Variants in PDE3B observed in about 807,000 individuals in gnomAD.
PDE3B encodes the protein phosphodiesterase 3B, also known as cGMP-inhibited 3',5'-cyclic phosphodiesterase 3B.
PDE3B carries 66 observed loss-of-function variants against 116.8 expected under a neutral mutation model. The observed-to-expected ratio is 0.56, with a 90% CI of 0.46 to 0.69. PDE3B has a LOEUF of 0.69. Ranked by LOEUF, PDE3B falls within the 30% of genes least tolerant of loss-of-function variation. The probability of loss-of-function intolerance (pLI) is 0.00; values close to 1 mark genes in which losing one functional copy is unlikely to be tolerated. For missense variants in PDE3B, 1,384 were observed against 1,368.1 expected, an observed-to-expected ratio of 1.01 and a Z score of -0.18; for synonymous variants, 595 against 533.6, an observed-to-expected ratio of 1.12 and a Z score of -1.59.
intron 1 of PDE3B, among the ~76,000 whole-genome samples, chr11:14,706,765 G>A (rs1019162195): frequency 2.0e-5 from 3 of 151,946 alleles, no homozygotes; most frequent in African/African-American, 7.2e-5. Flanking sequence ...CATTTAGATA[G>A]GAGCATTGTT....
chr11:14,731,086 T>C (rs1002629770), intron 1 of PDE3B, among the ~76,000 whole-genome samples: 13 of 152,250 alleles, frequency 8.5e-5, no homozygotes, highest in Middle Eastern at 3.4e-3. Context: ...AGATGTCTAA[T>C]TTTTTAACTT....
intron 1 of PDE3B, among the ~76,000 whole-genome samples, chr11:14,705,686 T>A (rs1855510568): frequency 6.6e-6 from 1 of 151,874 alleles, no homozygotes; most frequent in South Asian, 2.1e-4. Context: ...GACAATCTCA[T>A]GAGCTTTTTT....
At chr11:14,738,904 A>G (rs1027170009) in intron 1 of PDE3B, among the ~76,000 whole-genome samples, 5 of 152,148 alleles carry the variant, frequency 3.3e-5, no homozygotes, top group Non-Finnish European at 7.4e-5. Context: ...CAAAGACCAG[A>G]TGGTTGCAGA....
At chr11:14,853,973 C>G (rs912919551) in intron 12 of PDE3B, among the ~76,000 whole-genome samples, 1 of 152,176 alleles carries the variant, frequency 6.6e-6, no homozygotes, top group South Asian at 2.1e-4. Context: ...GATGACTAAA[C>G]ACATGAATCT....
At chr11:14,722,072 C>T (rs953418951) in intron 1 of PDE3B, among the ~76,000 whole-genome samples, 1 of 150,948 alleles carries the variant, frequency 6.6e-6, no homozygotes, top group African/African-American at 2.4e-5. Flanking sequence ...AAAAACAAAA[C>T]ACCGCATGTT....
intron 12 of PDE3B, among the ~76,000 whole-genome samples, chr11:14,850,056 T>C (rs1267482177): frequency 6.6e-6 from 1 of 152,072 alleles, no homozygotes; most frequent in Non-Finnish European, 1.5e-5. Flanking sequence ...TATTGCGGCA[T>C]TATTCACAAT....
chr11:14,716,000 C>T (rs1230746575), intron 1 of PDE3B, among the ~76,000 whole-genome samples: 1 of 152,208 alleles, frequency 6.6e-6, no homozygotes, highest in East Asian at 1.9e-4. Flanking sequence ...GCATTTCCAT[C>T]TGAGGTACCG....
chr11:14,669,465 C>T (rs543056391), intron 1 of PDE3B, among the ~76,000 whole-genome samples: 1 of 152,196 alleles, frequency 6.6e-6, no homozygotes, highest in East Asian at 1.9e-4. Context: ...CGTAACACTA[C>T]CTTTTTTTAA....
At chr11:14,795,616 G>A (rs1411167488) in intron 4 of PDE3B, among the ~76,000 whole-genome samples, 2 of 152,176 alleles carry the variant, frequency 1.3e-5, no homozygotes, top group African/African-American at 4.8e-5. Flanking sequence ...CTGGATCAAG[G>A]TAGAAGACAG....
intron 11 of PDE3B, among the ~76,000 whole-genome samples, chr11:14,838,879 A>G (rs535911696): frequency 3.4e-4 from 52 of 152,316 alleles, no homozygotes; most frequent in African/African-American, 1.2e-3. Flanking sequence ...TGTCTAAAGT[A>G]TAGGCATCAG....
chr11:14,687,042 A>C (rs913963678), intron 1 of PDE3B, among the ~76,000 whole-genome samples: 1 of 152,180 alleles, frequency 6.6e-6, no homozygotes, highest in Non-Finnish European at 1.5e-5. Context: ...TTTTATAGTA[A>C]AAATGCAGGT....
intron 1 of PDE3B, chr11:14,673,834 G>A: frequency 9.1e-7 from 1 of 1,098,716 alleles, no homozygotes. Flanking sequence ...TCGGCATACT[G>A]TGGTCTCTCA....
chr11:14,691,363 A>G (rs1424168730), intron 1 of PDE3B, among the ~76,000 whole-genome samples: 15 of 152,228 alleles, frequency 9.9e-5, no homozygotes, highest in Non-Finnish European at 2.1e-4. Context: ...TTAGTTGAAT[A>G]TGTTAAAATT....
chr11:14,756,313 G>T (rs891434314), intron 1 of PDE3B, among the ~76,000 whole-genome samples: 1 of 152,066 alleles, frequency 6.6e-6, no homozygotes, highest in Non-Finnish European at 1.5e-5. Context: ...ACTAGTTGAG[G>T]GTCATTTAAT....
At chr11:14,834,651 G>C (rs968229514) in intron 10 of PDE3B, among the ~76,000 whole-genome samples, 2 of 152,146 alleles carry the variant, frequency 1.3e-5, no homozygotes, top group African/African-American at 4.8e-5. Context: ...ACTGTTTTGT[G>C]TGCAAACATG....
intron 9 of PDE3B, 119 bp downstream of exon 9, chr11:14,831,896 T>A: frequency 1.7e-6 from 1 of 605,860 alleles, no homozygotes; most frequent in Non-Finnish European, 2.8e-6. Context: ...TGTTCATTAT[T>A]TTTTTCAGAA....
intron 1 of PDE3B, chr11:14,698,838 G>T (rs1180540965): frequency 1.3e-5 from 2 of 151,940 alleles, no homozygotes; most frequent in Non-Finnish European, 2.9e-5. Flanking sequence ...GATAGCTGGT[G>T]GTTACTGCTC....
chr11:14,831,310 T>G (rs1859876231), intron 8 of PDE3B, among the ~76,000 whole-genome samples: 1 of 151,732 alleles, frequency 6.6e-6, no homozygotes, highest in Non-Finnish European at 1.5e-5. Flanking sequence ...ATGGTTTTTT[T>G]TCCTCTTACC....
At chr11:14,851,527 TGTGTG>T (rs1565165222) in intron 12 of PDE3B, among the ~76,000 whole-genome samples, 7 of 151,990 alleles carry the variant, frequency 4.6e-5, no homozygotes, top group African/African-American at 1.7e-4. Flanking sequence ...TGTGTGTGTG[TGTGTG>T]TGTTAATGGG....
Sources: allele counts gnomAD v4.1 joint callset (sites outside exome capture counted in the v4.1 genomes callset), GRCh38; gene constraint gnomAD v4.1.1; transcripts MANE v1.5; gene names NCBI Gene and HGNC (gene_info 2026-07-23, HGNC 2026-07-21).